The following STMN4 variants were observed in gnomAD, a reference collection of about 807,000 sequenced individuals.
STMN4 encodes stathmin 4.
A neutral mutation model predicts 29.1 loss-of-function variants in STMN4; 12 were observed. The observed-to-expected ratio is 0.41, with a 90% confidence interval of 0.26 to 0.67. The LOEUF (loss-of-function observed/expected upper bound fraction) is 0.67. STMN4 is among the 30% of genes least tolerant of loss of function. STMN4 has a pLI of 0.30. For missense variants in STMN4, 181 were observed against 262.8 expected (o/e 0.69, Z 2.15); for synonymous variants, 114 against 105.3 (o/e 1.08, Z -0.51).
At chr8:27,243,023 G>A (rs1801520884) in intron 2 of STMN4, among the ~76,000 whole-genome samples, 1 of 152,118 alleles carries the variant, frequency 6.6e-6, no homozygotes, top group African/African-American at 2.4e-5. Context: ...TTCCAACACA[G>A]TGCACAGAGC....
chr8:27,256,103 A>G (rs1303319377), intron 1 of STMN4, among the ~76,000 whole-genome samples: 1 of 152,250 alleles, frequency 6.6e-6, no homozygotes, highest in Non-Finnish European at 1.5e-5. Flanking sequence ...GAAATAAGCC[A>G]ATCATAAAAA....
Position 27,242,480 on chromosome 8 carries a change from T to C in STMN4, c.26A>G (p.Lys9Arg). ...GGACACCAGCGGGAGCTCCTTCATC[T>C]TCTCTTTGTAGGCTGCGGAAACACC... MTLAAYKE[K>R]MKELPLVSLF... Residue 9 changes from lysine (K) to arginine (R), a missense_variant, in exon 3 of 7, where the codon AAG becomes AGG. Coordinates refer to ENST00000350889, the MANE Select transcript of STMN4 (RefSeq NM_030795.4). The C allele has an allele frequency of 6.2e-7, 1 of 1,614,166 alleles. No individual in the cohort carries two copies. The highest frequency in any genetic ancestry group is 8.5e-7 in the Non-Finnish European group (1 of 1,180,008).
intron 1 of STMN4, among the ~76,000 whole-genome samples, chr8:27,254,982 T>C (rs1172053209): frequency 7.2e-5 from 11 of 151,942 alleles, no homozygotes; most frequent in Admixed American, 7.2e-4. Flanking sequence ...TTCATGTGTG[T>C]GCATGCATAT....
rs774837825 is a variant in STMN4, at chr8:27,241,311, C to A, written c.191-49G>T. ...GCTCACGTCCTGAAGAATGCACAGGCACCCAGCAAGCATGCGGCGCATGCA... is the reference window on the plus strand; with the variant it reads ...GCTCACGTCCTGAAGAATGCACAGGAACCCAGCAAGCATGCGGCGCATGCA... On this transcript the variant is annotated intron_variant, in intron 4 of 6. Transcript: ENST00000350889. 5.6e-6 allele frequency: 9 copies of A among 1,609,942 alleles called. No individual in the cohort carries two copies. The African/African-American group carries it at 1.1e-4, about 19-fold the overall frequency.
At chr8:27,244,934 A>G (rs1052888197) in intron 1 of STMN4, among the ~76,000 whole-genome samples, 5 of 152,118 alleles carry the variant, frequency 3.3e-5, no homozygotes, top group African/African-American at 1.2e-4. Flanking sequence ...GTGCCAGGGG[A>G]GGGTGGCGAG....
rs746826517 is a variant in STMN4 at position 27,242,414 on chromosome 8, G to A, written c.92C>T (p.Ser31Leu). 26 of 1,614,076 alleles carry A rather than the reference G, an allele frequency of 1.6e-5. 3 individuals are homozygous for A. In the South Asian group the frequency reaches 2.1e-4, roughly 13 times the overall value. Residue 31 changes from serine (S) to leucine (L), a missense_variant, in exon 3 of 7, where the codon TCG becomes TTG. By Grantham distance (145) the Ser-to-Leu change is moderately radical (BLOSUM62 -2). Transcript: ENST00000350889. ...SCFLADPLNK[S>L]SYKYEGWCGR... ...TCACTGACCTTCATATTTGTAGGAC[G>A]ACTTATTCAGGGGATCGGCCAGGAA...
chr8:27,247,903 T>C (rs982780176), intron 1 of STMN4, among the ~76,000 whole-genome samples: 1 of 152,182 alleles, frequency 6.6e-6, no homozygotes, highest in African/African-American at 2.4e-5. Context: ...AGAGGTTCCT[T>C]ATGTGTTTTC....
rs1410225062 is a variant in STMN4 at position 27,243,776 on chromosome 8, C to T, written c.-53G>A. 6.8e-6 allele frequency: 11 copies of T among 1,614,154 alleles called. No homozygotes were observed. The highest frequency in any genetic ancestry group is 9.3e-6 in the Non-Finnish European group (11 of 1,180,012). ...GCTGAAAGTTACAGAGTGGGTCTGT[C>T]ACCAGCTTGGGACGCTGTCACCAAC... On this transcript the variant is annotated 5_prime_UTR_variant, in exon 2 of 7. Transcript: ENST00000350889.
At chr8:27,247,965 G>A (rs539677606) in intron 1 of STMN4, among the ~76,000 whole-genome samples, 2 of 152,304 alleles carry the variant, frequency 1.3e-5, no homozygotes, top group Non-Finnish European at 2.9e-5. Flanking sequence ...GGAAGACCAG[G>A]AAATTCATTG....
chr8:27,239,388 T>C, intron 6 of STMN4: 1 of 1,266,094 alleles, frequency 7.9e-7, no homozygotes, highest in Non-Finnish European at 1.1e-6. Context: ...AACGGGCCGG[T>C]ATTCTGCTGA....
intron 5 of STMN4, among the ~76,000 whole-genome samples, chr8:27,240,739 T>G (rs1801445968): frequency 6.6e-6 from 1 of 152,172 alleles, no homozygotes; most frequent in South Asian, 2.1e-4. Flanking sequence ...AGCTCTTTCC[T>G]TAATTCCCTA....
At chr8:27,248,714 C>T (rs574440084) in intron 1 of STMN4, among the ~76,000 whole-genome samples, 3 of 152,232 alleles carry the variant, frequency 2.0e-5, no homozygotes, top group South Asian at 2.1e-4. Context: ...TAAGTTATAC[C>T]GTCGTCACAC....
At chr8:27,257,193 T>G (rs1240941407) in intron 1 of STMN4, among the ~76,000 whole-genome samples, 3 of 152,130 alleles carry the variant, frequency 2.0e-5, no homozygotes, top group African/African-American at 7.2e-5. Context: ...TATGATTATT[T>G]CCTCATCTGA....
At chr8:27,248,432 C>T (rs1801690668) in intron 1 of STMN4, among the ~76,000 whole-genome samples, 1 of 152,056 alleles carries the variant, frequency 6.6e-6, no homozygotes, top group Admixed American at 6.6e-5. Flanking sequence ...ACAGGAGGCC[C>T]ACTGGGCTGC....
chr8:27,243,874 A>G, intron 1 of STMN4, 73 bp from the exon 2 acceptor site: 1 of 1,376,282 alleles, frequency 7.3e-7, no homozygotes, highest in Non-Finnish European at 1.0e-6. Context: ...AGGTCTTTAT[A>G]CACTGGGGAG....
intron 4 of STMN4, among the ~76,000 whole-genome samples, 190 bp downstream of exon 4, chr8:27,241,487 C>T (rs895295463): frequency 6.6e-6 from 1 of 152,204 alleles, no homozygotes; most frequent in African/African-American, 2.4e-5. Flanking sequence ...TAGGGGGCCC[C>T]AGGCAATGTG....
chr8:27,251,819 T>A (rs1801796199), intron 1 of STMN4, among the ~76,000 whole-genome samples: 3 of 134,902 alleles, frequency 2.2e-5, no homozygotes, highest in Admixed American at 1.5e-4. Flanking sequence ...TTTTTTTTTT[T>A]ATTATTATAC....
At chr8:27,239,182 C>A in intron 6 of STMN4, 1 of 1,529,514 alleles carries the variant, frequency 6.5e-7, no homozygotes, top group Non-Finnish European at 8.7e-7. Context: ...GGGCCTGAGA[C>A]TCTAGGTGGA....
chr8:27,251,244 C>T (rs1801773427), intron 1 of STMN4, among the ~76,000 whole-genome samples: 1 of 150,858 alleles, frequency 6.6e-6, no homozygotes, highest in East Asian at 1.9e-4. Context: ...AAGAGTGAGA[C>T]TTCATCTCAA....
Sources: allele counts gnomAD v4.1 joint callset (sites outside exome capture counted in the v4.1 genomes callset), GRCh38; gene constraint gnomAD v4.1.1; transcripts MANE v1.5; gene names NCBI Gene and HGNC (gene_info 2026-07-23, HGNC 2026-07-21).